Variants in ZGPAT observed in about 807,000 individuals in gnomAD.
The protein encoded by ZGPAT is zinc finger CCCH-type and G-patch domain containing.
A neutral mutation model predicts 47.9 loss-of-function variants in ZGPAT; 39 were observed. The ratio of observed to expected loss-of-function variants is 0.81; its 90% CI spans 0.63 to 1.06. The LOEUF is 1.06. Among genes scored for constraint, ZGPAT ranks in the 50% least tolerant of loss-of-function variants. The pLI, the probability that ZGPAT is intolerant of heterozygous loss-of-function variation, is 0.00. For synonymous variants in ZGPAT, 348 were observed against 292.9 expected (o/e 1.19, Z -1.92); for missense variants, 717 against 681.4 (o/e 1.05, Z -0.58).
At chr20:63,730,570 C>T (rs1274395350) in intron 2 of ZGPAT, among the ~76,000 whole-genome samples, 2 of 152,152 alleles carry the variant, frequency 1.3e-5, no homozygotes, top group African/African-American at 2.4e-5. Flanking sequence ...CTGCAACCTC[C>T]GCCTCCCGGG....
At chr20:63,721,419 G>T (rs1232476827) in intron 2 of ZGPAT, among the ~76,000 whole-genome samples, 2 of 151,856 alleles carry the variant, frequency 1.3e-5, no homozygotes, top group Non-Finnish European at 2.9e-5. Context: ...CTGTACTGGG[G>T]CAAGTCCTTC....
At position 63,709,113 on chromosome 20, in the gene ZGPAT, A is replaced by C. The variant is rs751473921; in HGVS notation, c.533A>C (p.Lys178Thr). The change falls in exon 2 of 7, where the codon AAG (lysine) becomes ACG (threonine). Residue 178 changes from lysine (K) to threonine (T), a missense_variant. Transcript: ENST00000355969. The part of the protein sequence containing the change: ...LYLYPTHKSL[K>T]PCPFFLEGKC... The stretch of plus-strand genomic sequence containing the variant: ...CTGTACCCCACTCACAAGTCTCTGA[A>C]GCCGTGCCCGTTCTTCCTGGAGGGA... 1.9e-6 allele frequency: 3 copies of C among 1,612,908 alleles called. No homozygotes were observed. Among genetic ancestry groups the C allele is most frequent in the Non-Finnish European group, 2.5e-6 (3 of 1,180,018 alleles).
chr20:63,715,283 C>T (rs945172922), intron 2 of ZGPAT, among the ~76,000 whole-genome samples: 9 of 149,628 alleles, frequency 6.0e-5, no homozygotes, highest in Admixed American at 2.0e-4. Context: ...ACTCTGTCGC[C>T]GGGCTGGAGT....
At chr20:63,712,037 T>A (rs756020968) in intron 2 of ZGPAT, among the ~76,000 whole-genome samples, 24 of 152,256 alleles carry the variant, frequency 1.6e-4, no homozygotes, top group Non-Finnish European at 3.2e-4. Flanking sequence ...TTATTGTTTC[T>A]TTATTGCCTA....
intron 2 of ZGPAT, 63 bp from the exon 3 acceptor site, chr20:63,733,156 C>A: frequency 6.3e-7 from 1 of 1,586,876 alleles, no homozygotes; most frequent in South Asian, 1.1e-5. Context: ...GGTCAGTGCT[C>A]CTGGGTTGGT....
Position 63,709,116 on chromosome 20 carries a change from C to G in ZGPAT, c.536C>G (p.Pro179Arg). The G allele has an allele frequency of 6.2e-7, 1 of 1,612,982 alleles. No individual in the cohort carries two copies. Among genetic ancestry groups the G allele is most frequent in the Non-Finnish European group, 8.5e-7 (1 of 1,180,018 alleles). Residue 179 changes from proline (P) to arginine (R), a missense_variant, in exon 2 of 7, where the codon CCG becomes CGG. Transcript: ENST00000355969. ...TACCCCACTCACAAGTCTCTGAAGC[C>G]GTGCCCGTTCTTCCTGGAGGGAAAG... ...YLYPTHKSLK[P>R]CPFFLEGKCR...
chr20:63,711,028 CTTTTT>C (rs34657783), intron 2 of ZGPAT, among the ~76,000 whole-genome samples: 1 of 139,820 alleles, frequency 7.2e-6, no homozygotes, highest in African/African-American at 2.6e-5. Flanking sequence ...GAATGTCTTC[CTTTTT>C]TTTTTTTTTT....
At chr20:63,733,048 ATGTGTGCGTGTGTATG>A (rs1568801040) in intron 2 of ZGPAT, among the ~76,000 whole-genome samples, 155 bp from the exon 3 acceptor site, 1 of 150,290 alleles carries the variant, frequency 6.7e-6, no homozygotes, top group Non-Finnish European at 1.5e-5. Context: ...GTGTGTGTGT[ATGTGTGCGTGTGTATG>A]TGTGTGCGTG....
At chr20:63,720,826 A>C (rs2091780108) in intron 2 of ZGPAT, among the ~76,000 whole-genome samples, 1 of 152,112 alleles carries the variant, frequency 6.6e-6, no homozygotes. Flanking sequence ...TTTTTTGTTG[A>C]AACCTGCACA....
rs946448159 is a variant in ZGPAT at position 63,719,495 on chromosome 20, T to G, written c.584+10331T>G. The stretch of plus-strand genomic sequence containing the variant: ...TTTCTGCTCCTCATTTTGGATAAAT[T>G]CAGCTGACCTGTCCTCAAGTTCACT... On this transcript the variant is annotated intron_variant, in intron 2 of 6. Coordinates refer to ENST00000355969, the MANE Select transcript of ZGPAT (RefSeq NM_181485.3). Among the ~76,000 whole-genome samples the G allele has an allele frequency of 2.6e-5, 4 of 152,138 alleles. No individual in the cohort carries two copies. In the East Asian group the frequency reaches 7.7e-4, roughly 29 times the overall value.
At chr20:63,719,313 T>A (rs1026328063) in intron 2 of ZGPAT, among the ~76,000 whole-genome samples, 1 of 152,224 alleles carries the variant, frequency 6.6e-6, no homozygotes, top group Non-Finnish European at 1.5e-5. Flanking sequence ...TTCATTAAAT[T>A]TGCAAAGTTT....
intron 2 of ZGPAT, among the ~76,000 whole-genome samples, chr20:63,724,589 C>CT (rs1029357954): frequency 6.0e-5 from 9 of 150,678 alleles, no homozygotes; most frequent in Admixed American, 1.3e-4. Context: ...TTTTACCTTT[C>CT]TTTTTTTTGC....
intron 2 of ZGPAT, among the ~76,000 whole-genome samples, chr20:63,712,029 ATTGT>A (rs1258765657): frequency 2.0e-5 from 3 of 152,140 alleles, no homozygotes; most frequent in Non-Finnish European, 4.4e-5. Context: ...AGTGCAATTT[ATTGT>A]TTCTTTATTG....
chr20:63,719,286 T>C (rs966164422), intron 2 of ZGPAT, among the ~76,000 whole-genome samples: 2 of 152,200 alleles, frequency 1.3e-5, no homozygotes, highest in Non-Finnish European at 2.9e-5. Context: ...ACTTCTTGGA[T>C]GTGTAAATTC....
intron 2 of ZGPAT, among the ~76,000 whole-genome samples, chr20:63,721,695 C>G (rs2091789320): frequency 6.6e-6 from 1 of 152,124 alleles, no homozygotes; most frequent in African/African-American, 2.4e-5. Flanking sequence ...TTGTCCCTCC[C>G]CCACAACTTC....
intron 2 of ZGPAT, among the ~76,000 whole-genome samples, chr20:63,732,484 CGT>C (rs2091922289): frequency 1.8e-4 from 25 of 138,458 alleles, no homozygotes; most frequent in Non-Finnish European, 2.5e-4. Context: ...TGGGTGAGGG[CGT>C]ATGTGTGTGG....
intron 2 of ZGPAT, among the ~76,000 whole-genome samples, chr20:63,731,297 TG>T (rs2091898457): frequency 2.1e-5 from 2 of 96,242 alleles, no homozygotes; most frequent in Non-Finnish European, 5.1e-5. Context: ...TGTGTGAGAC[TG>T]TGTGTGTGTG....
chr20:63,731,523 G>GGCCCTTGGTGTGTGTATGTGTGCA (rs1375669861), intron 2 of ZGPAT, among the ~76,000 whole-genome samples: 1 of 102,504 alleles, frequency 9.8e-6, no homozygotes, highest in African/African-American at 2.8e-5. Context: ...GTGTGTGATT[G>GGCCCTTGGTGTGTGTATGTGTGCA]TGTGCATACG....
At position 63,735,443 on chromosome 20, in the gene ZGPAT, C is replaced by T. The variant is rs1217261720; in HGVS notation, c.1276C>T (p.His426Tyr). 1 of 1,572,274 alleles carries T rather than the reference C, an allele frequency of 6.4e-7. No homozygotes were observed. The change falls in exon 6 of 7, where the codon CAT becomes TAT. Residue 426 changes from histidine to tyrosine, a missense_variant. Transcript: ENST00000355969. ...GGGGAGGAGGAGCAAGGACATGTAC[C>T]ATGCCAGCAAGAGTGCCAAGCGGGC... Reference protein sequence around the residue: ...PAGRRSKDMYHASKSAKRALS... With the variant: ...PAGRRSKDMYYASKSAKRALS...
Sources: allele counts gnomAD v4.1 joint callset (sites outside exome capture counted in the v4.1 genomes callset), GRCh38; gene constraint gnomAD v4.1.1; transcripts MANE v1.5; gene names NCBI Gene and HGNC (gene_info 2026-07-23, HGNC 2026-07-21).